The following PLCB1 variants were observed in gnomAD, a reference collection of about 807,000 sequenced individuals.
The protein encoded by PLCB1 is phospholipase C beta 1.
PLCB1 carries 46 observed loss-of-function variants against 161.8 expected under a neutral mutation model. That is an observed-to-expected ratio of 0.28 (90% CI 0.22 to 0.36). The LOEUF (loss-of-function observed/expected upper bound fraction) is 0.36, where lower values mean the gene tolerates loss of function less well. Ranked by LOEUF, PLCB1 falls within the 10% of genes least tolerant of loss-of-function variation. The pLI is 1.00. For missense variants in PLCB1, 1,016 were observed against 1,472.5 expected (o/e 0.69, Z 5.07); for synonymous variants, 517 against 503.7 (o/e 1.03, Z -0.35).
At chr20:8,560,060 A>G (rs1048464714) in intron 3 of PLCB1, among the ~76,000 whole-genome samples, 2 of 151,968 alleles carry the variant, frequency 1.3e-5, no homozygotes, top group African/African-American at 4.8e-5. Flanking sequence ...CCAAGTCAGT[A>G]GCTTTCAAAT....
chr20:8,440,918 G>A (rs2122611443), intron 3 of PLCB1, among the ~76,000 whole-genome samples: 1 of 151,958 alleles, frequency 6.6e-6, no homozygotes, highest in South Asian at 2.1e-4. Context: ...TGTACTCCAT[G>A]AATATATACA....
At chr20:8,393,488 T>G (rs1987671507) in intron 3 of PLCB1, among the ~76,000 whole-genome samples, 2 of 151,918 alleles carry the variant, frequency 1.3e-5, no homozygotes, top group African/African-American at 2.4e-5. Flanking sequence ...AAGCCCTATC[T>G]CTTAAAAAAA....
At chr20:8,567,625 G>T (rs1330527999) in intron 3 of PLCB1, among the ~76,000 whole-genome samples, 1 of 151,968 alleles carries the variant, frequency 6.6e-6, no homozygotes, top group Non-Finnish European at 1.5e-5. Flanking sequence ...TTTAACATAG[G>T]TTAGCAATAA....
chr20:8,748,382 G>T (rs572821891), intron 23 of PLCB1, among the ~76,000 whole-genome samples: 1 of 152,242 alleles, frequency 6.6e-6, no homozygotes, highest in South Asian at 2.1e-4. Flanking sequence ...AAGAACTAGG[G>T]TCTTTTTAAA....
chr20:8,609,975 A>G (rs1987860694), intron 3 of PLCB1, among the ~76,000 whole-genome samples: 1 of 152,194 alleles, frequency 6.6e-6, no homozygotes, highest in Non-Finnish European at 1.5e-5. Flanking sequence ...ATATTCATAG[A>G]TGTAAAATGA....
intron 2 of PLCB1, among the ~76,000 whole-genome samples, chr20:8,267,853 C>A (rs945614988): frequency 6.6e-6 from 1 of 151,930 alleles, no homozygotes; most frequent in Non-Finnish European, 1.5e-5. Context: ...AGGAGAGGAC[C>A]AATCACTGGC....
chr20:8,835,524 T>C (rs1986245964), intron 31 of PLCB1, among the ~76,000 whole-genome samples: 1 of 152,172 alleles, frequency 6.6e-6, no homozygotes, highest in Non-Finnish European at 1.5e-5. Flanking sequence ...GACTTATATA[T>C]AGCAATCTAC....
rs572743232 is a variant in PLCB1, at chr20:8,537,133, C to T, written c.247-91161C>T. Reference sequence around the variant, plus strand: ...TGACTGAGGGGCATAAGGCAGAAGACGAGATAGAGGCAAGTTTTAGAGTAG... The same window carrying T: ...TGACTGAGGGGCATAAGGCAGAAGATGAGATAGAGGCAAGTTTTAGAGTAG... On this transcript the variant is annotated intron_variant, in intron 3 of 31. Coordinates refer to ENST00000338037, the MANE Select transcript of PLCB1 (RefSeq NM_015192.4). 3.3e-5 allele frequency among the ~76,000 whole-genome samples: 5 copies of T among 152,060 alleles called. No individual in the cohort carries two copies. The South Asian group carries it at 6.2e-4, about 19-fold the overall frequency.
At chr20:8,592,176 C>G (rs533873546) in intron 3 of PLCB1, among the ~76,000 whole-genome samples, 78 of 152,324 alleles carry the variant, frequency 5.1e-4, no homozygotes, top group African/African-American at 1.8e-3. Flanking sequence ...TGACCACTAT[C>G]ATCCCTGTCT....
chr20:8,839,332 G>T (rs1986407772), intron 31 of PLCB1, among the ~76,000 whole-genome samples: 1 of 152,084 alleles, frequency 6.6e-6, no homozygotes, highest in African/African-American at 2.4e-5. Context: ...ATTTTTGGAG[G>T]CAATATATTG....
intron 23 of PLCB1, among the ~76,000 whole-genome samples, chr20:8,753,968 T>C (rs1981610232): frequency 6.6e-6 from 1 of 152,208 alleles, no homozygotes; most frequent in Non-Finnish European, 1.5e-5. Flanking sequence ...TTAGGGGTTG[T>C]GTCCCAAGAG....
chr20:8,283,204 G>C lies in PLCB1; in HGVS notation c.178-88178G>C, dbSNP rs79969977. 7.7e-3 allele frequency among the ~76,000 whole-genome samples: 1,178 copies of C among 152,180 alleles called. 16 individuals carry two copies. Among genetic ancestry groups the C allele is most frequent in the African/African-American group, 0.026 (1,084 of 41,520 alleles). On this transcript the variant is annotated intron_variant, in intron 2 of 31. Coordinates refer to ENST00000338037, the MANE Select transcript of PLCB1 (RefSeq NM_015192.4). ...TGTGCTCAGCCACAACAGAAAACTG[G>C]GAAGTTTCATCTTAATTCTAGTTAA... is the stretch of plus-strand genomic sequence containing the variant.
At chr20:8,782,862 C>A (rs1205680076) in intron 27 of PLCB1, among the ~76,000 whole-genome samples, 4 of 152,204 alleles carry the variant, frequency 2.6e-5, no homozygotes. Flanking sequence ...CTAGACTTGG[C>A]TTTTTGCCTA....
chr20:8,834,690 C>A (rs768635325), intron 31 of PLCB1, among the ~76,000 whole-genome samples: 1 of 151,838 alleles, frequency 6.6e-6, no homozygotes, highest in Non-Finnish European at 1.5e-5. Context: ...TGGTGCATGC[C>A]TGTCATCCCA....
At chr20:8,490,074 G>A (rs1568696422) in intron 3 of PLCB1, among the ~76,000 whole-genome samples, 1 of 152,116 alleles carries the variant, frequency 6.6e-6, no homozygotes, top group Non-Finnish European at 1.5e-5. Flanking sequence ...TAGTCCTGTG[G>A]TAGGTCATAT....
chr20:8,701,778 C>T (rs1600261292), intron 11 of PLCB1, among the ~76,000 whole-genome samples: 1 of 152,122 alleles, frequency 6.6e-6, no homozygotes, highest in Non-Finnish European at 1.5e-5. Context: ...AGATCAAATA[C>T]AGCATAACCT....
At chr20:8,492,395 T>C (rs1982983994) in intron 3 of PLCB1, among the ~76,000 whole-genome samples, 1 of 152,184 alleles carries the variant, frequency 6.6e-6, no homozygotes, top group South Asian at 2.1e-4. Flanking sequence ...TGATAAACTG[T>C]TCAAATAGGT....
chr20:8,225,385 A>G (rs1359803834), intron 2 of PLCB1, among the ~76,000 whole-genome samples: 1 of 152,174 alleles, frequency 6.6e-6, no homozygotes, highest in Non-Finnish European at 1.5e-5. Flanking sequence ...GGAGAGTCCC[A>G]TTTATATAAA....
chr20:8,622,777 G>T (rs1177696535), intron 3 of PLCB1, among the ~76,000 whole-genome samples: 1 of 151,994 alleles, frequency 6.6e-6, no homozygotes, highest in African/African-American at 2.4e-5. Context: ...GATTGGGTCA[G>T]CTTCTGGGGC....
Sources: allele counts gnomAD v4.1 joint callset (sites outside exome capture counted in the v4.1 genomes callset), GRCh38; gene constraint gnomAD v4.1.1; transcripts MANE v1.5; gene names NCBI Gene and HGNC (gene_info 2026-07-23, HGNC 2026-07-21).